OSBPL11: variants seen among roughly 807,000 people sequenced by gnomAD.
OSBPL11 encodes oxysterol-binding protein-related protein 11.
A neutral mutation model predicts 84.4 loss-of-function variants in OSBPL11; 33 were observed. The observed-to-expected ratio is 0.39, with a 90% CI of 0.30 to 0.52. The LOEUF is 0.52. Among genes scored for constraint, OSBPL11 ranks in the 20% least tolerant of loss-of-function variants. The pLI is 0.72. For synonymous variants in OSBPL11, 276 were observed against 310.2 expected, an observed-to-expected ratio of 0.89 and a Z score of 1.16; for missense variants, 736 against 901.1, an observed-to-expected ratio of 0.82 and a Z score of 2.35.
rs1383659774 is a variant in OSBPL11, at chr3:125,553,808, G to A, written c.1156-1129C>T. Among the ~76,000 whole-genome samples, 5 of 152,192 alleles carry A rather than the reference G, an allele frequency of 3.3e-5. No individual in the cohort carries two copies. In the East Asian group the frequency reaches 9.6e-4, roughly 29 times the overall value. ...AATAATACAAAAGACAGTGGATGTT[G>A]CAGGTTCAGCTGGTGAATTGAACAC... On this transcript the variant is annotated intron_variant, in intron 8 of 12. Transcript: ENST00000296220.
At chr3:125,548,626 C>A (rs1432060384) in intron 9 of OSBPL11, among the ~76,000 whole-genome samples, 1 of 151,722 alleles carries the variant, frequency 6.6e-6, no homozygotes, top group Non-Finnish European at 1.5e-5. Context: ...TAAGGATACT[C>A]GAGCTACATT....
intron 1 of OSBPL11, among the ~76,000 whole-genome samples, chr3:125,587,795 C>T (rs892434874): frequency 1.3e-5 from 2 of 152,010 alleles, no homozygotes; most frequent in Admixed American, 1.3e-4. Flanking sequence ...AAAAATTAGC[C>T]AGGCAGGGTG....
At chr3:125,533,641 A>G (rs956753953) in intron 11 of OSBPL11, among the ~76,000 whole-genome samples, 2 of 152,256 alleles carry the variant, frequency 1.3e-5, no homozygotes, top group Non-Finnish European at 2.9e-5. Flanking sequence ...TCAAAAATAA[A>G]AATGAATTTA....
intron 2 of OSBPL11, among the ~76,000 whole-genome samples, chr3:125,581,317 C>G (rs1936420384): frequency 6.6e-6 from 1 of 151,888 alleles, no homozygotes; most frequent in African/African-American, 2.4e-5. Flanking sequence ...ATCTCAAACT[C>G]CTGAACTCAG....
intron 11 of OSBPL11, among the ~76,000 whole-genome samples, chr3:125,537,571 G>A (rs111547639): frequency 1.0e-3 from 157 of 152,226 alleles, no homozygotes; most frequent in Non-Finnish European, 2.0e-3. Flanking sequence ...GACCCACTCT[G>A]AATGTTTGAT....
At chr3:125,558,363 T>G (rs1936024059) in intron 8 of OSBPL11, among the ~76,000 whole-genome samples, 1 of 152,252 alleles carries the variant, frequency 6.6e-6, no homozygotes, top group Non-Finnish European at 1.5e-5. Context: ...AGGTCTTTTC[T>G]GAACCATTAA....
At chr3:125,574,954 C>T (rs968291739) in intron 5 of OSBPL11, among the ~76,000 whole-genome samples, 6 of 152,174 alleles carry the variant, frequency 3.9e-5, no homozygotes, top group African/African-American at 9.7e-5. Context: ...TTAGATTCCA[C>T]ACGGCATCTA....
intron 10 of OSBPL11, among the ~76,000 whole-genome samples, chr3:125,538,938 A>G (rs894344962): frequency 3.9e-5 from 6 of 152,088 alleles, no homozygotes; most frequent in Non-Finnish European, 1.5e-5. Flanking sequence ...TAATATTAAA[A>G]CTAAATAGAA....
intron 7 of OSBPL11, among the ~76,000 whole-genome samples, chr3:125,561,829 G>T (rs988947558): frequency 2.0e-5 from 3 of 152,180 alleles, no homozygotes; most frequent in African/African-American, 7.2e-5. Context: ...TAAGCCAGGT[G>T]TTCTACTAAA....
rs769874430 is a variant in OSBPL11, at chr3:125,594,608, G to A, written c.164+29C>T. 4 of 1,603,478 alleles carry A rather than the reference G, an allele frequency of 2.5e-6. No individual in the cohort carries two copies. The African/African-American group carries it at 5.4e-5, about 21-fold the overall frequency. ...GCATATTCACCCCTACCTCCACCTC[G>A]GGAAATAATTTTGGAGAAAGGAGCA... On this transcript the variant is annotated intron_variant, in intron 1 of 12. Transcript: ENST00000296220.
chr3:125,551,761 G>A (rs944680920), intron 9 of OSBPL11, among the ~76,000 whole-genome samples: 4 of 151,806 alleles, frequency 2.6e-5, no homozygotes, highest in Admixed American at 2.6e-4. Context: ...CTGGATGACA[G>A]AGCGAGACTC....
intron 1 of OSBPL11, among the ~76,000 whole-genome samples, chr3:125,584,555 C>A (rs1936478025): frequency 6.6e-6 from 1 of 152,098 alleles, no homozygotes; most frequent in African/African-American, 2.4e-5. Context: ...ACTCTTTAAT[C>A]TAGGTTCTCT....
At chr3:125,551,917 C>T (rs542085085) in intron 9 of OSBPL11, among the ~76,000 whole-genome samples, 1 of 151,854 alleles carries the variant, frequency 6.6e-6, no homozygotes. Context: ...GAAATTGGAG[C>T]GAAAAAGTAA....
chr3:125,595,431 C>G lies in OSBPL11; in HGVS notation c.-631G>C, dbSNP rs895783789. ...ACAACTTCCTCTTATGCCCCTGGCC[C>G]GGGCCCTCGACTGGGTTCCCAGGAG... On this transcript the variant is annotated 5_prime_UTR_variant, in exon 1 of 13. Transcript: ENST00000296220. Among the ~76,000 whole-genome samples, 2 of 152,176 alleles carry G rather than the reference C, an allele frequency of 1.3e-5. No homozygotes were observed. The highest frequency in any genetic ancestry group is 4.8e-5 in the African/African-American group (2 of 41,444).
chr3:125,551,000 TAAAAATTAA>T (rs1006145597), intron 9 of OSBPL11, among the ~76,000 whole-genome samples: 5 of 151,290 alleles, frequency 3.3e-5, no homozygotes, highest in South Asian at 2.1e-4. Flanking sequence ...TCTCTAAAAA[TAAAAATTAA>T]AAAAATTAGC....
At chr3:125,559,133 C>T (rs1936036897) in intron 8 of OSBPL11, among the ~76,000 whole-genome samples, 1 of 152,136 alleles carries the variant, frequency 6.6e-6, no homozygotes, top group Non-Finnish European at 1.5e-5. Flanking sequence ...GACCTATGTC[C>T]ACATAGCTGC....
At chr3:125,545,999 G>A (rs1935807546) in intron 10 of OSBPL11, among the ~76,000 whole-genome samples, 1 of 151,842 alleles carries the variant, frequency 6.6e-6, no homozygotes, top group African/African-American at 2.4e-5. Context: ...AAGGTGTCAA[G>A]AATAAGAAAG....
At chr3:125,539,306 T>TATATAC in intron 10 of OSBPL11, among the ~76,000 whole-genome samples, 1 of 59,144 alleles carries the variant, frequency 1.7e-5, no homozygotes, top group South Asian at 6.0e-4. Flanking sequence ...CAGCCATATA[T>TATATAC]ATATATATAT....
At chr3:125,580,931 T>C (rs1420649567) in intron 2 of OSBPL11, among the ~76,000 whole-genome samples, 1 of 152,168 alleles carries the variant, frequency 6.6e-6, no homozygotes, top group African/African-American at 2.4e-5. Flanking sequence ...CAATTGGAGA[T>C]GCTGAAACAT....
Sources: allele counts gnomAD v4.1 joint callset (sites outside exome capture counted in the v4.1 genomes callset), GRCh38; gene constraint gnomAD v4.1.1; transcripts MANE v1.5; gene names NCBI Gene and HGNC (gene_info 2026-07-23, HGNC 2026-07-21).